The following TRIP4 variants were observed in gnomAD, a reference collection of about 807,000 sequenced individuals.
TRIP4 encodes the protein thyroid hormone receptor interactor 4, also known as activating signal cointegrator 1.
A neutral mutation model predicts 81.8 loss-of-function variants in TRIP4; 54 were observed. The ratio of observed to expected loss-of-function variants is 0.66; its 90% CI spans 0.53 to 0.83. TRIP4 has a LOEUF of 0.83. Ranked by LOEUF, TRIP4 falls within the 40% of genes least tolerant of loss-of-function variation. The pLI is 0.00. For synonymous variants in TRIP4, 270 were observed against 242.8 expected, an observed-to-expected ratio of 1.11 and a Z score of -1.04; for missense variants, 662 against 683.6, an observed-to-expected ratio of 0.97 and a Z score of 0.35.
Position 64,418,610 on chromosome 15 carries a change from A to C in TRIP4, c.1240A>C (p.Asn414His), listed in dbSNP as rs747040328. 1 of 1,613,804 alleles carries C rather than the reference A, an allele frequency of 6.2e-7. No individual in the cohort carries two copies. The highest frequency in any genetic ancestry group is 1.1e-5 in the South Asian group (1 of 91,066). ...FRSSGFGLEF[N>H]SFQHQLRIQD... ...TTCTTCAGGATTTGGACTAGAGTTC[A>C]ACTCATTTCAGCACCAGTTGCGAAT... Residue 414 changes from asparagine (N) to histidine (H), a missense_variant, in exon 9 of 13, where the codon AAC (asparagine) becomes CAC (histidine). Physicochemically the swap from Asn to His is moderately conservative, Grantham distance 68 (BLOSUM62 1). Transcript: ENST00000261884.
rs964722024 is a variant in TRIP4, at chr15:64,418,865, C to T, written c.1358+137C>T. 7.7e-6 allele frequency: 6 copies of T among 780,790 alleles called. No individual in the cohort carries two copies. In the Admixed American group the frequency reaches 1.9e-4, roughly 24 times the overall value. The allele number at this position is 780,790 out of a possible 1,614,324, so 48.4% of individuals were successfully genotyped here. The stretch of plus-strand genomic sequence containing the variant: ...CTTCAATAAATAGAACTTTGAACAA[C>T]ATATTCATGTTACTGACTTGGTAGC... On this transcript the variant is annotated intron_variant, in intron 9 of 12. Transcript: ENST00000261884.
chr15:64,390,908 A>T (rs1900108206), intron 1 of TRIP4, among the ~76,000 whole-genome samples: 1 of 152,078 alleles, frequency 6.6e-6, no homozygotes, highest in Admixed American at 6.6e-5. Flanking sequence ...AAAAAAAAAA[A>T]ATTATATTCC....
rs116574437 is a variant in TRIP4 at position 64,448,288 on chromosome 15, A to T, written c.1678+3180A>T. 8.9e-3 allele frequency among the ~76,000 whole-genome samples: 1,353 copies of T among 152,248 alleles called. 22 individuals carry two copies. The highest frequency in any genetic ancestry group is 0.031 in the African/African-American group (1,298 of 41,530). On this transcript the variant is annotated intron_variant, in intron 12 of 12. Coordinates refer to ENST00000261884, the MANE Select transcript of TRIP4 (RefSeq NM_016213.5). ...TTTCTCTGAAATGTTTTACTTTAGT[A>T]CTTTCTCTACACCTTCAGGACCTAT...
chr15:64,440,158 T>G (rs973661727), intron 11 of TRIP4, among the ~76,000 whole-genome samples: 6 of 152,000 alleles, frequency 3.9e-5, no homozygotes, highest in Non-Finnish European at 7.4e-5. Context: ...GCTTGAGCCC[T>G]CCAGGTCAAG....
At chr15:64,425,483 A>C (rs766618441) in intron 10 of TRIP4, 57 bp from the exon 11 acceptor site, 8 of 1,389,152 alleles carry the variant, frequency 5.8e-6, no homozygotes, top group Non-Finnish European at 8.1e-6. Context: ...CAGATTCCTG[A>C]GTTCCAAGAT....
At chr15:64,406,645 C>T (rs1048213419) in intron 6 of TRIP4, among the ~76,000 whole-genome samples, 186 bp downstream of exon 6, 2 of 152,180 alleles carry the variant, frequency 1.3e-5, no homozygotes, top group Non-Finnish European at 2.9e-5. Flanking sequence ...ATATAGGCTC[C>T]TATGAAAAGA....
intron 12 of TRIP4, among the ~76,000 whole-genome samples, chr15:64,446,519 C>T (rs1269453556): frequency 2.0e-5 from 3 of 149,688 alleles, no homozygotes; most frequent in Non-Finnish European, 3.0e-5. Flanking sequence ...ATTCTCCTGC[C>T]TCACCCTCCC....
rs752486722 is a variant in TRIP4, at chr15:64,414,067, T to C, written c.1044-18T>C. 2 of 1,612,830 alleles carry C rather than the reference T, an allele frequency of 1.2e-6. No individual in the cohort carries two copies. Among genetic ancestry groups the C allele is most frequent in the Non-Finnish European group, 1.7e-6 (2 of 1,179,244 alleles). Reference sequence around the variant, plus strand: ...AGAACATTACCAATTGTTGCATCCTTTTGGTTTATTATCACAGACTAGATG... The same window carrying C: ...AGAACATTACCAATTGTTGCATCCTCTTGGTTTATTATCACAGACTAGATG... On this transcript the variant is annotated intron_variant, in intron 7 of 12. Transcript: ENST00000261884.
intron 12 of TRIP4, among the ~76,000 whole-genome samples, chr15:64,454,328 C>A (rs1175841618): frequency 6.6e-6 from 1 of 152,158 alleles, no homozygotes; most frequent in Non-Finnish European, 1.5e-5. Context: ...CTGAGCCAAA[C>A]TCTATCCTGG....
At chr15:64,414,280 C>T (rs141483424) in intron 8 of TRIP4, 69 bp downstream of exon 8, 1 of 1,591,012 alleles carries the variant, frequency 6.3e-7, no homozygotes, top group Non-Finnish European at 8.6e-7. Context: ...TTAAGTATGT[C>T]TATTTCATAG....
At chr15:64,426,372 A>G (rs1029095453) in intron 11 of TRIP4, among the ~76,000 whole-genome samples, 1 of 152,126 alleles carries the variant, frequency 6.6e-6, no homozygotes, top group Non-Finnish European at 1.5e-5. Flanking sequence ...GTACATATGT[A>G]TGCATTTATA....
In TRIP4 at chr15:64,420,329, C is replaced by T. The variant is rs140623408; in HGVS notation, c.1358+1601C>T. ...AGAGACGAGGTTTCTCCATGTTGGT[C>T]AGGCTGGTCTCAAACTCCCGAACTC... On this transcript the variant is annotated intron_variant, in intron 9 of 12. Coordinates refer to ENST00000261884, the MANE Select transcript of TRIP4 (RefSeq NM_016213.5). Among the ~76,000 whole-genome samples, 134 of 151,750 alleles carry T rather than the reference C, an allele frequency of 8.8e-4. 3 individuals carry two copies. The East Asian group carries it at 0.025, about 29-fold the overall frequency.
chr15:64,449,299 T>G (rs1892701789), intron 12 of TRIP4, among the ~76,000 whole-genome samples: 1 of 151,480 alleles, frequency 6.6e-6, no homozygotes, highest in African/African-American at 2.4e-5. Flanking sequence ...TGTTTTTTTT[T>G]TTTGTGGGAT....
intron 1 of TRIP4, among the ~76,000 whole-genome samples, chr15:64,391,929 C>G (rs1566970689): frequency 7.3e-6 from 1 of 137,198 alleles, no homozygotes; most frequent in East Asian, 2.1e-4. Flanking sequence ...CAAGATAGCA[C>G]CACTGCACTC....
At chr15:64,425,462 A>G (rs1216372352) in intron 10 of TRIP4, 78 bp from the exon 11 acceptor site, 1 of 1,215,042 alleles carries the variant, frequency 8.2e-7, no homozygotes, top group Non-Finnish European at 1.2e-6. Context: ...ATGTTTGTTC[A>G]GAATTGAAAA....
Position 64,420,045 on chromosome 15 carries a change from A to C in TRIP4, c.1358+1317A>C, listed in dbSNP as rs559910594. On this transcript the variant is annotated intron_variant, in intron 9 of 12. Transcript: ENST00000261884. The stretch of plus-strand genomic sequence containing the variant: ...TGGCCAGGCTGGTCTTGAACTCCTA[A>C]CATCGTGATTCGCCCACCTTGGCCT... 2.6e-5 allele frequency among the ~76,000 whole-genome samples: 4 copies of C among 151,898 alleles called. No individual in the cohort carries two copies. In the East Asian group the frequency reaches 7.8e-4, roughly 29 times the overall value.
intron 1 of TRIP4, among the ~76,000 whole-genome samples, chr15:64,390,522 G>C (rs1416476909): frequency 6.6e-6 from 1 of 151,876 alleles, no homozygotes; most frequent in Non-Finnish European, 1.5e-5. Flanking sequence ...ATTTGAAATA[G>C]GGTAAGAATG....
intron 1 of TRIP4, among the ~76,000 whole-genome samples, chr15:64,390,475 A>G (rs1055142531): frequency 4.6e-5 from 7 of 151,990 alleles, no homozygotes; most frequent in African/African-American, 1.2e-4. Context: ...AAAAAAAGGA[A>G]AAAAGAAAGA....
chr15:64,429,055 C>G (rs948924665), intron 11 of TRIP4, among the ~76,000 whole-genome samples: 24 of 151,836 alleles, frequency 1.6e-4, no homozygotes, highest in African/African-American at 5.8e-4. Flanking sequence ...TGGCTCATGC[C>G]TATAATCCCA....
Sources: allele counts gnomAD v4.1 joint callset (sites outside exome capture counted in the v4.1 genomes callset), GRCh38; gene constraint gnomAD v4.1.1; transcripts MANE v1.5; gene names NCBI Gene and HGNC (gene_info 2026-07-23, HGNC 2026-07-21).